IMMT: variants seen among roughly 807,000 people sequenced by gnomAD.
IMMT encodes inner membrane mitochondrial protein, also known as MICOS complex subunit MIC60.
A neutral mutation model predicts 92.7 loss-of-function variants in IMMT; 40 were observed. That is an observed-to-expected ratio of 0.43 (90% confidence interval 0.34 to 0.56). IMMT has a LOEUF of 0.56. Ranked by LOEUF, IMMT falls within the 20% of genes least tolerant of loss-of-function variation. The pLI is 0.03. For synonymous variants in IMMT, 322 were observed against 336.1 expected (o/e 0.96, Z 0.46); for missense variants, 831 against 912.1 (o/e 0.91, Z 1.14).
intron 6 of IMMT, among the ~76,000 whole-genome samples, chr2:86,168,704 G>T (rs1676888865): frequency 1.3e-5 from 2 of 152,146 alleles, no homozygotes; most frequent in Non-Finnish European, 2.9e-5. Flanking sequence ...AGATGATTTT[G>T]AGGAAAAGAA....
intron 14 of IMMT, among the ~76,000 whole-genome samples, chr2:86,145,849 A>G (rs1200666432): frequency 6.6e-6 from 1 of 152,182 alleles, no homozygotes; most frequent in African/African-American, 2.4e-5. Context: ...CTGGGTAAAT[A>G]GCCTTGTAAA....
chr2:86,162,087 A>G lies in IMMT; in HGVS notation c.793-8T>C. 1 of 1,525,252 alleles carries G rather than the reference A, an allele frequency of 6.6e-7. No individual in the cohort carries two copies. Among genetic ancestry groups the G allele is most frequent in the Non-Finnish European group, 8.8e-7 (1 of 1,131,398 alleles). 94.5% of individuals were successfully genotyped at this position (1,525,252 alleles called of 1,614,324 possible). A position where few individuals can be genotyped will look rare whatever the true frequency, so the allele number is the denominator to read the frequency against. On this transcript the variant is annotated splice_polypyrimidine_tract_variant and splice_region_variant and intron_variant, in intron 7 of 14. Transcript: ENST00000410111. ...TTTCTTCTCGCCTGCAATCTAAACA[A>G]AAAATTTTAATTATATAATAAATAA...
At chr2:86,158,439 T>G (rs1676014840) in intron 10 of IMMT, 153 bp downstream of exon 10, 3 of 539,386 alleles carry the variant, frequency 5.6e-6, no homozygotes, top group Non-Finnish European at 3.3e-6. Context: ...CTGTGTCATC[T>G]GTAATGACTG....
rs775349741 is a variant in IMMT at position 86,166,515 on chromosome 2, T to C, written c.785A>G (p.Asn262Ser). 5.0e-6 allele frequency: 8 copies of C among 1,609,760 alleles called. No homozygotes were observed. The highest frequency in any genetic ancestry group is 4.4e-5 in the South Asian group (4 of 90,314). ...ATCATTCATTGGGCTCACCTCAGAA[T>C]TGTCCATGGCGGCTTTCAATATGTT... is the stretch of plus-strand genomic sequence containing the variant. ...HSNILKAAMD[N>S]SEIAGEKKSA... is the part of the protein sequence containing the mutation. Residue 262 changes from asparagine to serine, a missense_variant, in exon 7 of 15, where the codon AAT becomes AGT. By Grantham distance (46) the Asn-to-Ser change is conservative. Coordinates refer to ENST00000410111, the MANE Select transcript of IMMT (RefSeq NM_006839.3).
chr2:86,170,566 C>T (rs1159813887), intron 6 of IMMT, among the ~76,000 whole-genome samples, 183 bp downstream of exon 6: 1 of 152,132 alleles, frequency 6.6e-6, no homozygotes, highest in African/African-American at 2.4e-5. Context: ...TAGCCTTTGT[C>T]ACTTAGGTAA....
At chr2:86,173,061 A>C (rs533683259) in intron 4 of IMMT, among the ~76,000 whole-genome samples, 1 of 152,366 alleles carries the variant, frequency 6.6e-6, no homozygotes, top group Admixed American at 6.5e-5. Context: ...CTAGCACAGA[A>C]AAGACAGTAA....
chr2:86,177,882 T>TG (rs556738216), intron 3 of IMMT, among the ~76,000 whole-genome samples: 207 of 152,298 alleles, frequency 1.4e-3, no homozygotes, highest in African/African-American at 4.9e-3. Flanking sequence ...AGGGAAACCA[T>TG]GGTTACCTCT....
chr2:86,158,409 C>T, intron 10 of IMMT, 183 bp downstream of exon 10: 9 of 446,528 alleles, frequency 2.0e-5, no homozygotes, highest in Non-Finnish European at 3.7e-5. Flanking sequence ...ACAGCTAAAA[C>T]TACAAGAGTA....
chr2:86,144,396 A>AT lies in IMMT; in HGVS notation c.2148dup (p.Ser717IlefsTer64). The stretch of plus-strand genomic sequence containing the variant: ...AGCCAGTCCTGTGCCACTCGTCTGG[A>AT]TTCCCCCTTCAGCTGATTGACAAAC... On this transcript the variant is annotated frameshift_variant, in exon 15 of 15. Transcript: ENST00000410111. LOFTEE classifies it high-confidence loss of function. The AT allele has an allele frequency of 6.2e-7, 1 of 1,613,870 alleles. No homozygotes were observed. Among genetic ancestry groups the AT allele is most frequent in the East Asian group, 2.2e-5 (1 of 44,878 alleles).
chr2:86,161,896 A>G lies in IMMT; in HGVS notation c.896+80T>C, dbSNP rs971503150. The stretch of plus-strand genomic sequence containing the variant: ...TTTCTCTACCTCCTCTTTATTCTAT[A>G]CAGACAATACAAAGAAAACCCGGCC... On this transcript the variant is annotated intron_variant, in intron 8 of 14. Transcript: ENST00000410111. 10 of 844,530 alleles carry G rather than the reference A, an allele frequency of 1.2e-5. No individual in the cohort carries two copies. In the African/African-American group the frequency reaches 1.5e-4, roughly 13 times the overall value. 52.3% of individuals were successfully genotyped at this position (844,530 alleles called of 1,614,324 possible). A position where few individuals can be genotyped will look rare whatever the true frequency, so the allele number is the denominator to read the frequency against.
At chr2:86,177,590 G>C (rs144110743) in intron 3 of IMMT, among the ~76,000 whole-genome samples, 2 of 151,504 alleles carry the variant, frequency 1.3e-5, no homozygotes, top group African/African-American at 4.8e-5. Context: ...GACAGAACGA[G>C]ACTCTGTCTC....
chr2:86,161,116 T>A lies in IMMT; in HGVS notation c.896+860A>T, dbSNP rs74946690. On this transcript the variant is annotated intron_variant, in intron 8 of 14. Coordinates refer to ENST00000410111, the MANE Select transcript of IMMT (RefSeq NM_006839.3). Reference sequence around the variant, plus strand: ...ATGAATTAAAAAAAAAAAAAAAAAATCCTTTATATAAGTTTCTGCCAAATT... The same window carrying A: ...ATGAATTAAAAAAAAAAAAAAAAAAACCTTTATATAAGTTTCTGCCAAATT... 1.2e-4 allele frequency among the ~76,000 whole-genome samples: 14 copies of A among 112,874 alleles called. No homozygotes were observed. In the South Asian group the frequency reaches 3.5e-3, roughly 28 times the overall value. 74.0% of individuals were successfully genotyped at this position (112,874 alleles called of 152,430 possible).
At chr2:86,195,177 C>G (rs944549339) in intron 1 of IMMT, among the ~76,000 whole-genome samples, 161 bp downstream of exon 1, 2 of 152,254 alleles carry the variant, frequency 1.3e-5, no homozygotes, top group Non-Finnish European at 2.9e-5. Flanking sequence ...CCGGCGAACT[C>G]CCTGGTGGCT....
At chr2:86,174,985 T>C (rs553932988) in intron 3 of IMMT, among the ~76,000 whole-genome samples, 1 of 152,304 alleles carries the variant, frequency 6.6e-6, no homozygotes, top group Admixed American at 6.5e-5. Flanking sequence ...AGAGGAATTG[T>C]TGGGTCAAAG....
chr2:86,168,889 A>T (rs1317253492), intron 6 of IMMT, among the ~76,000 whole-genome samples: 1 of 152,174 alleles, frequency 6.6e-6, no homozygotes, highest in African/African-American at 2.4e-5. Flanking sequence ...AAACCGTGGT[A>T]TTTGGATCCC....
In IMMT at chr2:86,171,847, C is replaced by CAT. The variant is rs1047018977; in HGVS notation, c.422-504_422-503dup. Among the ~76,000 whole-genome samples, 1,090 of 118,138 alleles carry CAT rather than the reference C, an allele frequency of 9.2e-3. 10 individuals carry two copies. Among genetic ancestry groups the CAT allele is most frequent in the African/African-American group, 0.026 (862 of 33,142 alleles). 77.5% of individuals were successfully genotyped at this position (118,138 alleles called of 152,430 possible). ...TCAAGAACAGAACTGAGTTAAAATA[C>CAT]ATATATATATATATATTTTTTGCAC... On this transcript the variant is annotated intron_variant, in intron 4 of 14. Transcript: ENST00000410111.
rs1370245276 is a variant in IMMT, at chr2:86,149,676, G to A, written c.1401+1621C>T. ...GTGGATCACTTGAGGTCAGGAGTTC[G>A]AGACCAGCCTGGCCAACATGGCAAA... is the stretch of plus-strand genomic sequence containing the variant. On this transcript the variant is annotated intron_variant, in intron 12 of 14. Transcript: ENST00000410111. Among the ~76,000 whole-genome samples, 8 of 152,120 alleles carry A rather than the reference G, an allele frequency of 5.3e-5. No homozygotes were observed. In the South Asian group the frequency reaches 1.0e-3, roughly 20 times the overall value.
At chr2:86,154,204 G>A (rs1046767418) in intron 10 of IMMT, among the ~76,000 whole-genome samples, 1 of 135,236 alleles carries the variant, frequency 7.4e-6, no homozygotes, top group Admixed American at 8.0e-5. Context: ...ACAGAGTCTC[G>A]CTCTGTCGCC....
chr2:86,183,118 T>C (rs527380473), intron 1 of IMMT, among the ~76,000 whole-genome samples: 3 of 152,300 alleles, frequency 2.0e-5, no homozygotes, highest in Admixed American at 1.3e-4. Context: ...ATATTTAAGG[T>C]TGCATTTTTT....
Sources: allele counts gnomAD v4.1 joint callset (sites outside exome capture counted in the v4.1 genomes callset), GRCh38; gene constraint gnomAD v4.1.1; transcripts MANE v1.5; gene names NCBI Gene and HGNC (gene_info 2026-07-23, HGNC 2026-07-21).